The following GCFC2 variants were observed in gnomAD, a reference collection of about 807,000 sequenced individuals.
GCFC2 encodes GC-rich sequence DNA-binding factor 2.
Under a neutral mutation model 99.4 loss-of-function variants are expected in GCFC2, and 102 were observed. The observed-to-expected ratio is 1.03, with a 90% CI of 0.87 to 1.21. The LOEUF (loss-of-function observed/expected upper bound fraction) is 1.21. GCFC2 is among the 50% of genes most tolerant of loss of function. GCFC2 has a pLI of 0.00. For synonymous variants in GCFC2, 338 were observed against 316.8 expected (o/e 1.07, Z -0.71); for missense variants, 973 against 920.9 (o/e 1.06, Z -0.73).
At chr2:75,686,954 G>C (rs944530776) in intron 11 of GCFC2, among the ~76,000 whole-genome samples, 25 of 145,924 alleles carry the variant, frequency 1.7e-4, no homozygotes, top group Admixed American at 1.6e-3. Context: ...TTTTTTTTGA[G>C]ACGGAGTTTC....
intron 8 of GCFC2, among the ~76,000 whole-genome samples, chr2:75,690,289 T>C (rs1363441744): frequency 2.0e-5 from 3 of 152,150 alleles, no homozygotes; most frequent in African/African-American, 7.2e-5. Context: ...GGTTCTGCAT[T>C]TTTTGTTTTG....
intron 5 of GCFC2, among the ~76,000 whole-genome samples, chr2:75,695,424 T>G (rs1573078020): frequency 6.6e-6 from 1 of 151,214 alleles, no homozygotes; most frequent in East Asian, 1.9e-4. Context: ...AACATGATAG[T>G]TTTTTTAAAA....
intron 3 of GCFC2, among the ~76,000 whole-genome samples, chr2:75,701,587 T>C (rs1389814526): frequency 6.6e-6 from 1 of 152,228 alleles, no homozygotes; most frequent in African/African-American, 2.4e-5. Flanking sequence ...ACTATAGCCC[T>C]ATATTGTAAA....
Position 75,702,415 on chromosome 2 carries a change from G to A in GCFC2, c.403C>T (p.Pro135Ser), listed in dbSNP as rs758353644. 1 of 1,612,114 alleles carries A rather than the reference G, an allele frequency of 6.2e-7. No individual in the cohort carries two copies. Among genetic ancestry groups the A allele is most frequent in the South Asian group, 1.1e-5 (1 of 90,874 alleles). ...GCTGCCTGAATAAAAGCTGCATCTGGGATCTTAACTGAAGGAAACAAAGAC... is the reference window on the plus strand; with the variant it reads ...GCTGCCTGAATAAAAGCTGCATCTGAGATCTTAACTGAAGGAAACAAAGAC... ...EKELSSTVKIPDAAFIQAARR... is the reference protein window; with the variant it reads ...EKELSSTVKISDAAFIQAARR... The change falls in exon 3 of 17, where the codon CCA becomes TCA. Residue 135 changes from proline to serine, a missense_variant. Coordinates refer to ENST00000321027, the MANE Select transcript of GCFC2 (RefSeq NM_003203.5).
In GCFC2 at chr2:75,670,191, T is replaced by C; in HGVS notation, c.2050A>G (p.Ile684Val). ...LGKLLNRYLI[I>V]ALLNATPGPD... ...CCAGGTGTGGCATTGAGAAGTGCTA[T>C]AATAAGGTAACGATTTAGCAGCTTC... Residue 684 changes from isoleucine (I) to valine (V), a missense_variant, in exon 15 of 17, where the codon ATA becomes GTA. Coordinates refer to ENST00000321027, the MANE Select transcript of GCFC2 (RefSeq NM_003203.5). 1 of 1,606,802 alleles carries C rather than the reference T, an allele frequency of 6.2e-7. No individual in the cohort carries two copies. Among genetic ancestry groups the C allele is most frequent in the African/African-American group, 1.3e-5 (1 of 74,896 alleles).
Position 75,710,784 on chromosome 2 carries a change from C to T in GCFC2, c.72G>A (p.Glu24=), listed in dbSNP as rs1370152429. Residue 24 remains glutamate, a synonymous_variant, in exon 1 of 17, where the codon GAG becomes GAA. Transcript: ENST00000321027. Reference sequence around the variant, plus strand: ...TCGGCGCCCCAGGCTCAGCAGGCGACTCCTCGGCGCCATCGCTGTCGCTGG... The same window carrying T: ...TCGGCGCCCCAGGCTCAGCAGGCGATTCCTCGGCGCCATCGCTGTCGCTGG... ...ADSSDSDGAE[E]SPAEPGAPRE... The T allele has an allele frequency of 6.3e-7, 1 of 1,575,612 alleles. No individual in the cohort carries two copies. Among genetic ancestry groups the T allele is most frequent in the Non-Finnish European group, 8.6e-7 (1 of 1,166,338 alleles).
Position 75,673,383 on chromosome 2 carries a change from TAAAC to T in GCFC2, c.1889+57_1889+60del, listed in dbSNP as rs371717828. 2.0e-3 allele frequency: 1,537 copies of T among 774,600 alleles called. 13 individuals carry two copies. The African/African-American group carries it at 0.024, about 12-fold the overall frequency. 48.0% of individuals were successfully genotyped at this position (774,600 alleles called of 1,614,324 possible). A position where few individuals can be genotyped will look rare whatever the true frequency, so the allele number is the denominator to read the frequency against. Reference sequence around the variant, plus strand: ...TGTAGTTTCTTTTGCATTGCATTCTTAAACAAATCTGTATTCTATGATCAGCTAT... The same window carrying T: ...TGTAGTTTCTTTTGCATTGCATTCTTAAATCTGTATTCTATGATCAGCTAT... On this transcript the variant is annotated intron_variant, in intron 13 of 16. Coordinates refer to ENST00000321027, the MANE Select transcript of GCFC2 (RefSeq NM_003203.5).
At chr2:75,682,318 C>T (rs1161698681) in intron 11 of GCFC2, among the ~76,000 whole-genome samples, 1 of 151,892 alleles carries the variant, frequency 6.6e-6, no homozygotes, top group Non-Finnish European at 1.5e-5. Context: ...CTGGAGTGGA[C>T]CTCCAGCAAA....
intron 7 of GCFC2, among the ~76,000 whole-genome samples, chr2:75,691,084 C>T (rs533085494): frequency 7.2e-5 from 11 of 152,246 alleles, no homozygotes; most frequent in Admixed American, 3.3e-4. Flanking sequence ...CAGGAGTCCC[C>T]CCTAATCTGC....
intron 11 of GCFC2, among the ~76,000 whole-genome samples, chr2:75,682,379 A>C (rs1314853307): frequency 2.0e-5 from 3 of 151,918 alleles, no homozygotes; most frequent in Middle Eastern, 3.2e-3. Context: ...CAAAACTAAC[A>C]AACAGAAAAG....
Position 75,694,265 on chromosome 2 carries a change from A to G in GCFC2, c.996T>C (p.Asn332=). ...CCTTTTCATTAAGGCAGTCAATTAA[A>G]TTTTCCACATAAATTTTCATGCTTT... ...FYKSMKIYVE[N]LIDCLNEKII... Residue 332 remains asparagine (N), a synonymous_variant, in exon 6 of 17, where the codon AAT becomes AAC. Transcript: ENST00000321027. 9.5e-7 allele frequency: 1 copy of G among 1,056,376 alleles called. No homozygotes were observed. Among genetic ancestry groups the G allele is most frequent in the Non-Finnish European group, 1.4e-6 (1 of 704,636 alleles). 65.4% of individuals were successfully genotyped at this position (1,056,376 alleles called of 1,614,324 possible).
At chr2:75,673,600 T>C in intron 12 of GCFC2, 80 bp from the exon 13 acceptor site, 1 of 672,830 alleles carries the variant, frequency 1.5e-6, no homozygotes. Context: ...TTAACTGCAG[T>C]ACAAATTTAT....
upstream of GCFC2, among the ~76,000 whole-genome samples, chr2:75,711,616 CG>C (rs1681186726): frequency 6.6e-6 from 1 of 152,224 alleles, no homozygotes. Flanking sequence ...GAGGTGACAG[CG>C]GGCCAGCTGG....
chr2:75,712,014 A>T (rs1681209350), upstream of GCFC2, among the ~76,000 whole-genome samples: 1 of 152,264 alleles, frequency 6.6e-6, no homozygotes, highest in African/African-American at 2.4e-5. Flanking sequence ...TGCGGGATCC[A>T]CTAGGTGAAG....
chr2:75,668,038 GTTAAACA>G (rs889071957), intron 15 of GCFC2, among the ~76,000 whole-genome samples: 1 of 152,148 alleles, frequency 6.6e-6, no homozygotes, highest in African/African-American at 2.4e-5. Flanking sequence ...GAATGTGTAA[GTTAAACA>G]TTAAAGAGCT....
chr2:75,695,338 G>A (rs534840881), intron 5 of GCFC2, among the ~76,000 whole-genome samples: 12 of 152,176 alleles, frequency 7.9e-5, no homozygotes, highest in African/African-American at 2.6e-4. Context: ...ACAAAAAGAC[G>A]ACTTGCTGAC....
At chr2:75,674,024 T>C (rs1185623042) in intron 12 of GCFC2, among the ~76,000 whole-genome samples, 1 of 152,218 alleles carries the variant, frequency 6.6e-6, no homozygotes, top group Non-Finnish European at 1.5e-5. Flanking sequence ...TCTTGTTTTT[T>C]AATGTTTGCA....
intron 12 of GCFC2, chr2:75,679,898 T>C (rs1040943300): frequency 2.9e-5 from 12 of 414,780 alleles, no homozygotes; most frequent in Non-Finnish European, 2.1e-5. Context: ...CTTACATGTA[T>C]GTCTATAATT....
chr2:75,709,275 A>G (rs1681008576), intron 1 of GCFC2, among the ~76,000 whole-genome samples: 1 of 152,230 alleles, frequency 6.6e-6, no homozygotes, highest in African/African-American at 2.4e-5. Flanking sequence ...GAGAACCACT[A>G]TTCTAGAAGG....
Sources: gnomAD v4.1 joint callset for allele counts (sites outside exome capture counted in the v4.1 genomes callset) on GRCh38, gnomAD v4.1.1 for gene constraint, MANE v1.5 for transcripts, NCBI Gene and HGNC (gene_info 2026-07-23, HGNC 2026-07-21) for gene names.